The following VPS50 variants were observed in gnomAD, a reference collection of about 807,000 sequenced individuals.
The protein encoded by VPS50 is syndetin.
Under a neutral mutation model 139.7 loss-of-function variants are expected in VPS50, and 70 were observed. That is an observed-to-expected ratio of 0.50 (90% CI 0.41 to 0.61). The LOEUF (loss-of-function observed/expected upper bound fraction) is 0.61. VPS50 is among the 20% of genes least tolerant of loss of function. The pLI is 0.00. For synonymous variants in VPS50, 365 were observed against 376.7 expected (o/e 0.97, Z 0.36); for missense variants, 921 against 1,133.7 (o/e 0.81, Z 2.69).
At chr7:93,271,786 C>T (rs1796018097) in intron 10 of VPS50, among the ~76,000 whole-genome samples, 2 of 151,666 alleles carry the variant, frequency 1.3e-5, no homozygotes, top group African/African-American at 4.8e-5. Context: ...CTTTCCTTGA[C>T]AATCTTTGCA....
At chr7:93,261,277 A>G (rs954177475) in intron 9 of VPS50, among the ~76,000 whole-genome samples, 2 of 152,212 alleles carry the variant, frequency 1.3e-5, no homozygotes, top group African/African-American at 2.4e-5. Context: ...TTGCTTTGAA[A>G]TTGTCAGTAT....
chr7:93,334,084 T>C (rs1323556279), intron 21 of VPS50, 33 bp from the exon 22 acceptor site: 1 of 1,178,902 alleles, frequency 8.5e-7, no homozygotes, highest in South Asian at 1.3e-5. Context: ...AGATGATCTT[T>C]AGAACGATAT....
intron 1 of VPS50, among the ~76,000 whole-genome samples, chr7:93,236,968 T>TC (rs1794823753): frequency 2.3e-5 from 3 of 127,678 alleles, no homozygotes; most frequent in African/African-American, 9.6e-5. Context: ...TTTTTTTTTT[T>TC]TCGAGACAGT....
At chr7:93,352,736 T>C (rs1259280724) in intron 25 of VPS50, among the ~76,000 whole-genome samples, 5 of 152,160 alleles carry the variant, frequency 3.3e-5, no homozygotes, top group Non-Finnish European at 7.4e-5. Context: ...TTCCGTCTAA[T>C]TATTGGAGTT....
chr7:93,263,218 T>C (rs541767347), intron 9 of VPS50, among the ~76,000 whole-genome samples: 1 of 152,336 alleles, frequency 6.6e-6, no homozygotes, highest in African/African-American at 2.4e-5. Flanking sequence ...AGATTTAATC[T>C]TTGCTTGGAC....
intron 23 of VPS50, among the ~76,000 whole-genome samples, chr7:93,347,807 C>G (rs189947959): frequency 7.9e-6 from 1 of 126,618 alleles, no homozygotes; most frequent in African/African-American, 3.1e-5. Flanking sequence ...AGGGAAACAT[C>G]ACACTCTGGG....
intron 12 of VPS50, among the ~76,000 whole-genome samples, chr7:93,284,169 G>T (rs1796412469): frequency 6.6e-6 from 1 of 152,070 alleles, no homozygotes; most frequent in African/African-American, 2.4e-5. Flanking sequence ...CCAGCAGAAA[G>T]AAAAAATAAT....
Position 93,308,960 on chromosome 7 carries a change from G to T in VPS50, c.1748+18G>T. 1.6e-6 allele frequency: 2 copies of T among 1,286,752 alleles called. No individual in the cohort carries two copies. The highest frequency in any genetic ancestry group is 1.1e-6 in the Non-Finnish European group (1 of 884,582). The allele number at this position is 1,286,752 out of a possible 1,614,324, so 79.7% of individuals were successfully genotyped here. A position where few individuals can be genotyped will look rare whatever the true frequency, so the allele number is the denominator to read the frequency against. Reference sequence around the variant, plus strand: ...GTGAAAAGGTGATTGTTCTTAAATTGTGTGGTATTTAGCATTTTATCTTGT... The same window carrying T: ...GTGAAAAGGTGATTGTTCTTAAATTTTGTGGTATTTAGCATTTTATCTTGT... On this transcript the variant is annotated intron_variant, in intron 19 of 27. Transcript: ENST00000305866.
In VPS50 at chr7:93,336,048, A is replaced by G. The variant is rs553541976; in HGVS notation, c.2058+1851A>G. ...ATGTATTAATTTTCTTCACTTCATTAATTTGCATTTACAATGGCAGAGTAC... is the reference window on the plus strand; with the variant it reads ...ATGTATTAATTTTCTTCACTTCATTGATTTGCATTTACAATGGCAGAGTAC... On this transcript the variant is annotated intron_variant, in intron 22 of 27. Coordinates refer to ENST00000305866, the MANE Select transcript of VPS50 (RefSeq NM_017667.4). Among the ~76,000 whole-genome samples the G allele has an allele frequency of 3.9e-5, 6 of 152,274 alleles. No homozygotes were observed. In the East Asian group the frequency reaches 1.2e-3, roughly 29 times the overall value.
intron 12 of VPS50, among the ~76,000 whole-genome samples, chr7:93,289,014 G>A (rs1796572943): frequency 6.6e-6 from 1 of 151,962 alleles, no homozygotes; most frequent in Admixed American, 6.6e-5. Flanking sequence ...GTTTTTTCAG[G>A]CCGGCATTGT....
intron 9 of VPS50, among the ~76,000 whole-genome samples, chr7:93,264,299 T>C (rs1354018397): frequency 2.0e-5 from 3 of 152,230 alleles, no homozygotes; most frequent in African/African-American, 7.2e-5. Context: ...CCTGAGTTGA[T>C]TGACAGAGAG....
intron 26 of VPS50, 66 bp downstream of exon 26, chr7:93,353,827 G>T: frequency 1.7e-6 from 2 of 1,204,594 alleles, no homozygotes; most frequent in South Asian, 1.4e-5. Context: ...AATAACATAC[G>T]GTATTAATGG....
At chr7:93,337,424 C>T (rs1000161789) in intron 22 of VPS50, among the ~76,000 whole-genome samples, 5 of 152,136 alleles carry the variant, frequency 3.3e-5, no homozygotes, top group African/African-American at 7.2e-5. Context: ...TATACCCTCT[C>T]CTTGACTTCC....
chr7:93,269,378 A>G (rs1212650788), intron 9 of VPS50, among the ~76,000 whole-genome samples: 3 of 152,040 alleles, frequency 2.0e-5, no homozygotes, highest in African/African-American at 7.2e-5. Context: ...TAATTTTTCT[A>G]ATAAGGTATC....
intron 18 of VPS50, among the ~76,000 whole-genome samples, chr7:93,308,225 A>G (rs1488529861): frequency 6.6e-6 from 1 of 151,808 alleles, no homozygotes; most frequent in African/African-American, 2.4e-5. Context: ...GCATTGGGCC[A>G]TGGTGCCATA....
At chr7:93,261,363 T>C (rs1285519637) in intron 9 of VPS50, among the ~76,000 whole-genome samples, 1 of 152,176 alleles carries the variant, frequency 6.6e-6, no homozygotes, top group Non-Finnish European at 1.5e-5. Flanking sequence ...GAAGGACTTA[T>C]ATTAAAGTAG....
intron 2 of VPS50, among the ~76,000 whole-genome samples, chr7:93,252,372 C>G (rs1281954150): frequency 6.6e-6 from 1 of 151,522 alleles, no homozygotes; most frequent in Non-Finnish European, 1.5e-5. Context: ...ACTTTTTTTT[C>G]TTTTGTTGGA....
At chr7:93,318,740 CTCT>C (rs1797505426) in intron 20 of VPS50, among the ~76,000 whole-genome samples, 1 of 152,110 alleles carries the variant, frequency 6.6e-6, no homozygotes. Flanking sequence ...CTCATTTTCT[CTCT>C]TGTCATATCC....
intron 23 of VPS50, among the ~76,000 whole-genome samples, chr7:93,344,992 A>G (rs1462640548): frequency 6.6e-6 from 1 of 152,226 alleles, no homozygotes; most frequent in Non-Finnish European, 1.5e-5. Context: ...GGAGAACTGA[A>G]GGAAATAGAG....
Sources: gnomAD v4.1 joint callset for allele counts (sites outside exome capture counted in the v4.1 genomes callset) on GRCh38, gnomAD v4.1.1 for gene constraint, MANE v1.5 for transcripts, NCBI Gene and HGNC (gene_info 2026-07-23, HGNC 2026-07-21) for gene names.